The following TBL1XR1 variants were observed in gnomAD, a reference collection of about 807,000 sequenced individuals.
TBL1XR1 encodes TBL1X/Y related 1.
In TBL1XR1, 5 loss-of-function variants were observed where a neutral mutation model predicts 66.9. That is an observed-to-expected ratio of 0.07 (90% CI 0.04 to 0.16). The LOEUF (loss-of-function observed/expected upper bound fraction) is 0.16, where lower values mean the gene tolerates loss of function less well. TBL1XR1 is among the 10% of genes least tolerant of loss of function. The probability of loss-of-function intolerance (pLI) is 1.00; values close to 1 mark genes in which losing one functional copy is unlikely to be tolerated. For synonymous variants in TBL1XR1, 210 were observed against 206.0 expected, an observed-to-expected ratio of 1.02 and a Z score of -0.17; for missense variants, 238 against 623.2, an observed-to-expected ratio of 0.38 and a Z score of 6.58.
At chr3:177,168,529 A>G (rs916621144) in intron 1 of TBL1XR1, among the ~76,000 whole-genome samples, 17 of 152,044 alleles carry the variant, frequency 1.1e-4, no homozygotes, top group African/African-American at 3.9e-4. Context: ...TGATCCACCC[A>G]CCTGGGCCTC....
intron 3 of TBL1XR1, among the ~76,000 whole-genome samples, chr3:177,057,598 A>C (rs926876225): frequency 2.0e-5 from 3 of 152,196 alleles, no homozygotes; most frequent in African/African-American, 7.2e-5. Flanking sequence ...TTGTGCCAGA[A>C]GCTATTTCCA....
intron 1 of TBL1XR1, among the ~76,000 whole-genome samples, chr3:177,149,822 T>C (rs536406691): frequency 3.9e-5 from 6 of 152,314 alleles, no homozygotes; most frequent in African/African-American, 1.4e-4. Context: ...TTACATACTA[T>C]CCATGGCTGC....
intron 1 of TBL1XR1, among the ~76,000 whole-genome samples, chr3:177,180,703 A>C (rs1734717801): frequency 6.6e-6 from 1 of 151,746 alleles, no homozygotes; most frequent in Admixed American, 6.6e-5. Context: ...ATCCCAACCA[A>C]ATGTCTCTAA....
At chr3:177,091,505 T>TG (rs1722841898) in intron 2 of TBL1XR1, among the ~76,000 whole-genome samples, 1 of 152,172 alleles carries the variant, frequency 6.6e-6, no homozygotes, top group South Asian at 2.1e-4. Context: ...ATGTACAAGA[T>TG]GAGCTTTGGC....
In TBL1XR1 at chr3:177,026,768, AAAC is replaced by A. The variant is rs1713184890; in HGVS notation, c.1417-297_1417-295del. 1.8e-5 allele frequency: 5 copies of A among 272,364 alleles called. No homozygotes were observed. In the South Asian group the frequency reaches 5.6e-4, roughly 30 times the overall value. 16.9% of individuals were successfully genotyped at this position (272,364 alleles called of 1,614,324 possible). A position where few individuals can be genotyped will look rare whatever the true frequency, so the allele number is the denominator to read the frequency against. ...GACATAGCCAACAATAGCTAGAAGT[AAAC>A]AGTCAGTCTATCACATGAAATAAGT... On this transcript the variant is annotated intron_variant, in intron 14 of 15. Transcript: ENST00000457928.
chr3:177,198,865 G>GACACACAC (rs57636923), upstream of TBL1XR1, among the ~76,000 whole-genome samples: 76 of 148,178 alleles, frequency 5.1e-4, no homozygotes, highest in Admixed American at 1.5e-3. Context: ...GAAGTTTTGC[G>GACACACAC]ACACACACAC....
intron 3 of TBL1XR1, among the ~76,000 whole-genome samples, chr3:177,064,292 C>T (rs928208165): frequency 6.6e-6 from 1 of 152,138 alleles, no homozygotes; most frequent in Non-Finnish European, 1.5e-5. Context: ...TCCACCCATA[C>T]CCAACCATGT....
chr3:177,038,906 C>CACACACAAGAGTGAGGATA, intron 10 of TBL1XR1, among the ~76,000 whole-genome samples: 1 of 152,250 alleles, frequency 6.6e-6, no homozygotes, highest in East Asian at 1.9e-4. Context: ...GTGTTACCCT[C>CACACACAAGAGTGAGGATA]ACACACAAGA....
intron 1 of TBL1XR1, among the ~76,000 whole-genome samples, chr3:177,153,908 A>C (rs1018750998): frequency 6.6e-6 from 1 of 151,482 alleles, no homozygotes; most frequent in Non-Finnish European, 1.5e-5. Flanking sequence ...GTATGGAACA[A>C]GTGAACTGCA....
At chr3:177,103,665 T>C (rs1428972451) in intron 1 of TBL1XR1, among the ~76,000 whole-genome samples, 1 of 152,228 alleles carries the variant, frequency 6.6e-6, no homozygotes, top group African/African-American at 2.4e-5. Context: ...TAATGGACAT[T>C]ATGGGCCCTT....
intron 1 of TBL1XR1, among the ~76,000 whole-genome samples, chr3:177,195,196 A>G (rs550416202): frequency 8.7e-5 from 13 of 150,014 alleles, no homozygotes; most frequent in African/African-American, 2.7e-4. Flanking sequence ...GATAGGGTTG[A>G]AAAAAAAAAT....
At chr3:177,134,979 C>CTG (rs1455104135) in intron 1 of TBL1XR1, among the ~76,000 whole-genome samples, 2 of 48,208 alleles carry the variant, frequency 4.1e-5, no homozygotes, top group Non-Finnish European at 4.3e-5. Flanking sequence ...GTGTGTGTGT[C>CTG]TGTGTGTGTG....
intron 2 of TBL1XR1, among the ~76,000 whole-genome samples, chr3:177,072,581 A>G (rs1488839836): frequency 6.6e-6 from 1 of 152,206 alleles, no homozygotes; most frequent in Non-Finnish European, 1.5e-5. Context: ...CTGTGTGTGT[A>G]ACAAAGTGCT....
At chr3:177,043,830 GTTC>G (rs1329163373) in intron 10 of TBL1XR1, among the ~76,000 whole-genome samples, 3 of 151,978 alleles carry the variant, frequency 2.0e-5, no homozygotes, top group Admixed American at 6.6e-5. Flanking sequence ...CCTTTGATGG[GTTC>G]TTAACTGTAA....
chr3:177,095,767 G>C (rs987786566), intron 2 of TBL1XR1, among the ~76,000 whole-genome samples: 1 of 152,162 alleles, frequency 6.6e-6, no homozygotes, highest in Non-Finnish European at 1.5e-5. Context: ...ATAGGCATGA[G>C]GCACTGCACC....
intron 2 of TBL1XR1, among the ~76,000 whole-genome samples, chr3:177,096,512 T>C (rs1191971563): frequency 1.3e-5 from 2 of 152,138 alleles, no homozygotes; most frequent in African/African-American, 4.8e-5. Flanking sequence ...AGGATAGGCA[T>C]TTGTAAGAGA....
chr3:177,136,234 A>G (rs906938384), intron 1 of TBL1XR1: 3 of 152,212 alleles, frequency 2.0e-5, no homozygotes, highest in Admixed American at 1.3e-4. Flanking sequence ...TCACAGTCCA[A>G]AAGTCCAAAA....
intron 1 of TBL1XR1, among the ~76,000 whole-genome samples, chr3:177,176,927 C>T (rs771726866): frequency 6.6e-6 from 1 of 152,156 alleles, no homozygotes; most frequent in African/African-American, 2.4e-5. Context: ...CTGCAGGAGG[C>T]AGTGATCGCA....
intron 1 of TBL1XR1, among the ~76,000 whole-genome samples, chr3:177,143,916 G>A (rs1054722349): frequency 6.6e-6 from 1 of 152,208 alleles, no homozygotes. Context: ...CGAGGACAGT[G>A]GAGTGGGGAT....
Sources: allele counts gnomAD v4.1 joint callset (sites outside exome capture counted in the v4.1 genomes callset), GRCh38; gene constraint gnomAD v4.1.1; transcripts MANE v1.5; gene names NCBI Gene and HGNC (gene_info 2026-07-23, HGNC 2026-07-21).